DKK3: variants seen among roughly 807,000 people sequenced by gnomAD.
DKK3 encodes dickkopf Wnt signaling pathway inhibitor 3.
A neutral mutation model predicts 33.2 loss-of-function variants in DKK3; 22 were observed. That is an observed-to-expected ratio of 0.66 (90% CI 0.47 to 0.95). The LOEUF is 0.95. DKK3 is among the 40% of genes least tolerant of loss of function. The pLI, the probability that DKK3 is intolerant of heterozygous loss-of-function variation, is 0.00. For missense variants in DKK3, 398 were observed against 458.4 expected (o/e 0.87, Z 1.20); for synonymous variants, 194 against 188.8 (o/e 1.03, Z -0.23).
chr11:11,986,438 T>C (rs1039315895), intron 3 of DKK3, among the ~76,000 whole-genome samples: 1 of 152,178 alleles, frequency 6.6e-6, no homozygotes, highest in African/African-American at 2.4e-5. Flanking sequence ...GATTCCACAG[T>C]TTCCTAACCA....
intron 3 of DKK3, among the ~76,000 whole-genome samples, chr11:11,984,142 T>TTTAA (rs1464550200): frequency 6.6e-6 from 1 of 152,186 alleles, no homozygotes; most frequent in Non-Finnish European, 1.5e-5. Context: ...TAGGGACCCC[T>TTTAA]TTAACACCTA....
chr11:12,004,727 A>G (rs1015827126), intron 1 of DKK3, among the ~76,000 whole-genome samples: 5 of 152,252 alleles, frequency 3.3e-5, no homozygotes, highest in Admixed American at 6.5e-5. Flanking sequence ...TGCAGTAGAT[A>G]TAAGAATTAA....
chr11:11,991,278 T>G (rs1282661141), intron 3 of DKK3, among the ~76,000 whole-genome samples: 1 of 152,206 alleles, frequency 6.6e-6, no homozygotes, highest in African/African-American at 2.4e-5. Flanking sequence ...AGATATAGTT[T>G]GGATATTTGT....
chr11:11,998,443 G>C lies in DKK3; in HGVS notation c.435+253C>G, dbSNP rs1284041003. 6.9e-5 allele frequency: 40 copies of C among 578,462 alleles called. No individual in the cohort carries two copies. The South Asian group carries it at 8.1e-4, about 12-fold the overall frequency. 35.8% of individuals were successfully genotyped at this position (578,462 alleles called of 1,614,324 possible). On this transcript the variant is annotated intron_variant, in intron 3 of 6. Transcript: ENST00000683431. ...ACTTGCTTGTACCCCTTTCAAAGCT[G>C]AGATGGGCCATGCAAATGACCACTC...
At chr11:11,985,394 C>T (rs886178156) in intron 3 of DKK3, among the ~76,000 whole-genome samples, 1 of 152,234 alleles carries the variant, frequency 6.6e-6, no homozygotes, top group African/African-American at 2.4e-5. Flanking sequence ...AGTCATTTAA[C>T]TTCATTGGGT....
At chr11:12,002,544 A>T in intron 1 of DKK3, 107 bp from the exon 2 acceptor site, 1 of 1,213,002 alleles carries the variant, frequency 8.2e-7, no homozygotes. Flanking sequence ...ACAAAGAATG[A>T]TGATGATGAT....
At chr11:11,973,245 G>T (rs944534765) in intron 3 of DKK3, among the ~76,000 whole-genome samples, 5 of 152,352 alleles carry the variant, frequency 3.3e-5, no homozygotes, top group Middle Eastern at 3.4e-3. Context: ...CTTAAGGATA[G>T]AATCTGCCCA....
intron 4 of DKK3, among the ~76,000 whole-genome samples, chr11:11,967,593 G>A (rs1847629215): frequency 6.6e-6 from 1 of 152,262 alleles, no homozygotes; most frequent in Non-Finnish European, 1.5e-5. Flanking sequence ...GGTACCGAGT[G>A]GGGTTGGCTG....
chr11:11,975,182 C>T (rs373163443), intron 3 of DKK3, among the ~76,000 whole-genome samples: 3 of 152,328 alleles, frequency 2.0e-5, no homozygotes, highest in African/African-American at 7.2e-5. Flanking sequence ...ATACATGCAC[C>T]TTCCCCCGAT....
chr11:12,000,497 G>A (rs1041114574), intron 2 of DKK3, among the ~76,000 whole-genome samples: 3 of 146,508 alleles, frequency 2.0e-5, no homozygotes, highest in African/African-American at 5.1e-5. Context: ...ATAAGCCACC[G>A]TGCCTGGCCT....
At chr11:11,974,914 G>A (rs571353407) in intron 3 of DKK3, among the ~76,000 whole-genome samples, 341 of 151,846 alleles carry the variant, frequency 2.2e-3, no homozygotes, top group African/African-American at 8.0e-3. Flanking sequence ...AAAAAAAAAA[G>A]AATAACAGAA....
intron 3 of DKK3, chr11:11,979,571 G>A (rs1847912336): frequency 6.6e-6 from 1 of 152,302 alleles, no homozygotes; most frequent in Admixed American, 6.5e-5. Context: ...CTCCTGCTAA[G>A]GCCAGGAAGT....
At chr11:11,996,398 A>G (rs1244801883) in intron 3 of DKK3, among the ~76,000 whole-genome samples, 2 of 152,178 alleles carry the variant, frequency 1.3e-5, no homozygotes, top group African/African-American at 4.8e-5. Context: ...GTTGAATGAA[A>G]GAATTCTGTG....
At chr11:11,991,363 G>A (rs1848183475) in intron 3 of DKK3, among the ~76,000 whole-genome samples, 1 of 152,136 alleles carries the variant, frequency 6.6e-6, no homozygotes, top group Admixed American at 6.5e-5. Context: ...CTGGGTCATG[G>A]GGGCAGATCC....
At chr11:11,966,038 A>G (rs1847586495) in intron 5 of DKK3, 73 bp from the exon 6 acceptor site, 5 of 1,498,954 alleles carry the variant, frequency 3.3e-6, no homozygotes, top group Non-Finnish European at 4.5e-6. Context: ...GGGCAAAGAA[A>G]TGGAGCATAA....
chr11:12,003,422 G>T (rs1294064938), intron 1 of DKK3, among the ~76,000 whole-genome samples: 3 of 152,156 alleles, frequency 2.0e-5, no homozygotes, highest in Non-Finnish European at 2.9e-5. Flanking sequence ...CTGGTGTCAG[G>T]TTTCTGTGGC....
chr11:11,980,526 A>G (rs539719205), intron 3 of DKK3, among the ~76,000 whole-genome samples: 8 of 151,670 alleles, frequency 5.3e-5, no homozygotes, highest in Non-Finnish European at 8.8e-5. Flanking sequence ...GATTTTTCTG[A>G]CCTCCCTAGG....
intron 3 of DKK3, among the ~76,000 whole-genome samples, chr11:11,973,822 G>A (rs1234574621): frequency 6.6e-6 from 1 of 152,218 alleles, no homozygotes; most frequent in Non-Finnish European, 1.5e-5. Context: ...TTGATCAGAG[G>A]AGAGAGGCTC....
chr11:11,985,146 CA>C (rs1465982185), intron 3 of DKK3, among the ~76,000 whole-genome samples: 4 of 152,192 alleles, frequency 2.6e-5, no homozygotes, highest in African/African-American at 9.6e-5. Context: ...GGTCTGGGCA[CA>C]CCCAAGTTTC....
Sources: allele counts gnomAD v4.1 joint callset (sites outside exome capture counted in the v4.1 genomes callset), GRCh38; gene constraint gnomAD v4.1.1; transcripts MANE v1.5; gene names NCBI Gene and HGNC (gene_info 2026-07-23, HGNC 2026-07-21).